PPFIA1: variants seen among roughly 807,000 people sequenced by gnomAD.
PPFIA1 encodes the protein liprin-alpha-1.
In PPFIA1, 25 loss-of-function variants were observed where a neutral mutation model predicts 149.9. The observed-to-expected ratio is 0.17, with a 90% CI of 0.12 to 0.23. PPFIA1 has a LOEUF of 0.23. Ranked by LOEUF, PPFIA1 falls within the 10% of genes least tolerant of loss-of-function variation. The pLI, the probability that PPFIA1 is intolerant of heterozygous loss-of-function variation, is 1.00. For missense variants in PPFIA1, 1,362 were observed against 1,506.5 expected, an observed-to-expected ratio of 0.90 and a Z score of 1.59; for synonymous variants, 549 against 552.8, an observed-to-expected ratio of 0.99 and a Z score of 0.10.
At chr11:70,327,848 C>T (rs1232859518) in intron 7 of PPFIA1, 3 of 152,130 alleles carry the variant, frequency 2.0e-5, no homozygotes, top group African/African-American at 7.2e-5. Flanking sequence ...CTTCCTGTCA[C>T]TTTCTAACCT....
intron 2 of PPFIA1, among the ~76,000 whole-genome samples, chr11:70,302,228 A>C (rs561742369): frequency 2.6e-5 from 4 of 152,316 alleles, no homozygotes; most frequent in Non-Finnish European, 5.9e-5. Flanking sequence ...CAGCAGTGGG[A>C]AGAGAGGCTC....
intron 2 of PPFIA1, among the ~76,000 whole-genome samples, chr11:70,283,379 C>T (rs1338231744): frequency 6.6e-6 from 1 of 152,076 alleles, no homozygotes; most frequent in Non-Finnish European, 1.5e-5. Context: ...CAGGTGAGGT[C>T]CCAAATTTTG....
chr11:70,314,403 AC>A (rs2053470517), intron 2 of PPFIA1, among the ~76,000 whole-genome samples: 1 of 152,166 alleles, frequency 6.6e-6, no homozygotes, highest in Non-Finnish European at 1.5e-5. Flanking sequence ...CCATGTGGAC[AC>A]CGTGTATTCT....
chr11:70,303,116 C>T (rs1005966469), intron 2 of PPFIA1, among the ~76,000 whole-genome samples: 1 of 152,150 alleles, frequency 6.6e-6, no homozygotes, highest in East Asian at 1.9e-4. Flanking sequence ...TCTCCCATGT[C>T]TGTTAAAACA....
chr11:70,344,597 G>T (rs1457122316), intron 15 of PPFIA1, among the ~76,000 whole-genome samples: 1 of 152,234 alleles, frequency 6.6e-6, no homozygotes, highest in African/African-American at 2.4e-5. Context: ...ACGTTTAAAA[G>T]TGTAGAACGT....
chr11:70,376,712 C>A, intron 25 of PPFIA1, 112 bp downstream of exon 25: 2 of 939,008 alleles, frequency 2.1e-6, no homozygotes, highest in Non-Finnish European at 3.5e-6. Flanking sequence ...TGTAGCTAGG[C>A]AGTCTCTCTG....
At chr11:70,344,994 A>G (rs1163784187) in intron 15 of PPFIA1, among the ~76,000 whole-genome samples, 2 of 152,030 alleles carry the variant, frequency 1.3e-5, no homozygotes, top group Middle Eastern at 3.4e-3. Context: ...CCTCGGGGCC[A>G]TCAGCCACCA....
At chr11:70,300,933 C>G (rs1175587525) in intron 2 of PPFIA1, among the ~76,000 whole-genome samples, 2 of 152,160 alleles carry the variant, frequency 1.3e-5, no homozygotes. Flanking sequence ...CCAAAAGATA[C>G]CCTGGGAGGT....
intron 16 of PPFIA1, 64 bp from the exon 17 acceptor site, chr11:70,354,237 A>G: frequency 6.7e-7 from 1 of 1,496,544 alleles, no homozygotes; most frequent in Non-Finnish European, 9.1e-7. Flanking sequence ...TTATGGCTAT[A>G]ATTTAAGGCC....
intron 9 of PPFIA1, among the ~76,000 whole-genome samples, chr11:70,332,850 G>A (rs34299073): frequency 2.0e-5 from 3 of 152,198 alleles, no homozygotes; most frequent in Admixed American, 2.0e-4. Context: ...AGCTGCTGGG[G>A]AGGGCATCCT....
rs2054925950 is a variant in PPFIA1, at chr11:70,335,642, A to G, written c.1376A>G (p.Asn459Ser). 2 of 1,613,994 alleles carry G rather than the reference A, an allele frequency of 1.2e-6. No homozygotes were observed. The highest frequency in any genetic ancestry group is 1.7e-6 in the Non-Finnish European group (2 of 1,179,900). Residue 459 changes from asparagine (N) to serine (S), a missense_variant, in exon 11 of 28, where the codon AAT becomes AGT. Asn to Ser is a conservative substitution (Grantham distance 46, BLOSUM62 1). This residue lies in a region of PPFIA1 where 733 missense variants were observed against 744.1 expected (regional missense o/e 0.99). Coordinates refer to ENST00000253925, the MANE Select transcript of PPFIA1 (RefSeq NM_003626.5). ...DTVDKLLSESNERLQLHLKER... is the reference protein window; with the variant it reads ...DTVDKLLSESSERLQLHLKER... Reference sequence around the variant, plus strand: ...GTTGACAAGCTGCTTTCAGAATCTAATGAGAGGCTTCAACTTCATCTTAAA... The same window carrying G: ...GTTGACAAGCTGCTTTCAGAATCTAGTGAGAGGCTTCAACTTCATCTTAAA...
chr11:70,333,220 G>A (rs896039685), intron 9 of PPFIA1: 2 of 569,520 alleles, frequency 3.5e-6, no homozygotes, highest in Non-Finnish European at 6.6e-6. Context: ...ATAGGGGTTG[G>A]GGGGAAAACA....
intron 16 of PPFIA1, among the ~76,000 whole-genome samples, chr11:70,350,342 C>A (rs2055981579): frequency 6.6e-6 from 1 of 151,984 alleles, no homozygotes; most frequent in East Asian, 1.9e-4. Context: ...GTGTTCAAGA[C>A]TGTAAATCTC....
chr11:70,287,223 C>T (rs749270891), intron 2 of PPFIA1, among the ~76,000 whole-genome samples: 4 of 152,136 alleles, frequency 2.6e-5, no homozygotes, highest in African/African-American at 4.8e-5. Context: ...CATTCCTCCT[C>T]GGGCTGAAGA....
rs777350386 is a variant in PPFIA1, at chr11:70,356,207, T to G, written c.2535T>G (p.Leu845=). 9 of 1,614,082 alleles carry G rather than the reference T, an allele frequency of 5.6e-6. No homozygotes were observed. Among genetic ancestry groups the G allele is most frequent in the Non-Finnish European group, 5.9e-6 (7 of 1,180,038 alleles). ...ACTCATCTCAGGATGCCTTGGGACT[T>G]AGCAAATTGGGGGGACAGGCTGAAA... is the stretch of plus-strand genomic sequence containing the variant. ...TDNSSQDALG[L]SKLGGQAEKN... is the part of the protein sequence containing the mutation. Residue 845 remains leucine (L), a synonymous_variant, in exon 19 of 28, where the codon CTT becomes CTG. Coordinates refer to ENST00000253925, the MANE Select transcript of PPFIA1 (RefSeq NM_003626.5).
chr11:70,302,325 G>C (rs980139452), intron 2 of PPFIA1, among the ~76,000 whole-genome samples: 2 of 152,220 alleles, frequency 1.3e-5, no homozygotes, highest in African/African-American at 4.8e-5. Context: ...GGAGCAGTGG[G>C]AGAAGGGTGG....
chr11:70,297,439 T>A (rs2052148197), intron 2 of PPFIA1, among the ~76,000 whole-genome samples: 1 of 152,004 alleles, frequency 6.6e-6, no homozygotes, highest in Admixed American at 6.6e-5. Context: ...TGAAAAAAGA[T>A]GTAAACAATA....
chr11:70,373,098 G>A (rs2057342503), intron 23 of PPFIA1, among the ~76,000 whole-genome samples: 1 of 152,240 alleles, frequency 6.6e-6, no homozygotes, highest in Admixed American at 6.5e-5. Context: ...ATTTCAGTTG[G>A]AAAACACAGG....
chr11:70,297,287 T>C (rs2052131147), intron 2 of PPFIA1, among the ~76,000 whole-genome samples: 1 of 152,072 alleles, frequency 6.6e-6, no homozygotes, highest in Admixed American at 6.6e-5. Flanking sequence ...TGCGTGCTTG[T>C]AGTCCCAGCT....
Sources: allele counts gnomAD v4.1 joint callset (sites outside exome capture counted in the v4.1 genomes callset), GRCh38; gene constraint gnomAD v4.1.1; regional missense constraint gnomAD v4.1.1; transcripts MANE v1.5; gene names NCBI Gene and HGNC (gene_info 2026-07-23, HGNC 2026-07-21).